The following KDM2B variants were observed in gnomAD, a reference collection of about 807,000 sequenced individuals.
KDM2B encodes lysine-specific demethylase 2B.
In KDM2B, 26 loss-of-function variants were observed where a neutral mutation model predicts 150.0. The ratio of observed to expected loss-of-function variants is 0.17; its 90% CI spans 0.13 to 0.24. The LOEUF (loss-of-function observed/expected upper bound fraction) is 0.24, where lower values mean the gene tolerates loss of function less well. Among genes scored for constraint, KDM2B ranks in the 10% least tolerant of loss-of-function variants. The pLI is 1.00. For missense variants in KDM2B, 1,265 were observed against 1,816.9 expected, an observed-to-expected ratio of 0.70 and a Z score of 5.52; for synonymous variants, 734 against 729.5, an observed-to-expected ratio of 1.01 and a Z score of -0.10.
Position 121,580,873 on chromosome 12 carries a change from G to T in KDM2B, c.39C>A (p.His13Gln), listed in dbSNP as rs200344256. Residue 13 changes from histidine to glutamine, a missense_variant, in exon 1 of 23, where the codon CAC (histidine) becomes CAA (glutamine). Transcript: ENST00000377071. The stretch of plus-strand genomic sequence containing the variant: ...CTGCTGCATGTCTTTTTCGTGGGGG[G>T]TGATCCTCTGCAGATCCCCCCATTT... Reference protein sequence around the residue: ...GPQMGGSAEDHPPRKRHAAEK... With the variant: ...GPQMGGSAEDQPPRKRHAAEK... 6.8e-6 allele frequency: 11 copies of T among 1,614,034 alleles called. No homozygotes were observed. Among genetic ancestry groups the T allele is most frequent in the Middle Eastern group, 1.6e-4 (1 of 6,062 alleles).
At position 121,476,893 on chromosome 12, in the gene KDM2B, T is replaced by C. The variant is rs1392738679; in HGVS notation, c.1734+17686A>G. Among the ~76,000 whole-genome samples, 10 of 152,330 alleles carry C rather than the reference T, an allele frequency of 6.6e-5. No individual in the cohort carries two copies. In the East Asian group the frequency reaches 7.7e-4, roughly 12 times the overall value. ...TTGAAATAGCCATTAACCAACTCCT[T>C]ACTTTGAAAATCAGCATTTAAAGGG... On this transcript the variant is annotated intron_variant, in intron 12 of 22. Coordinates refer to ENST00000377071, the MANE Select transcript of KDM2B (RefSeq NM_032590.5).
Position 121,578,818 on chromosome 12 carries a change from G to A in KDM2B, c.255C>T (p.His85=). 6.3e-7 allele frequency: 1 copy of A among 1,589,790 alleles called. No homozygotes were observed. Among genetic ancestry groups the A allele is most frequent in the Non-Finnish European group, 8.6e-7 (1 of 1,167,134 alleles). ...RSQLYQGDFV[H]AMEGKDFNYE... ...GCGCCTCACCTTTGCCCTCCATGGC[G>A]TGCACGAAGTCCCCCTGGTACAGCT... The change falls in exon 2 of 23, where the codon CAC becomes CAT. Residue 85 remains histidine, a synonymous_variant. Transcript: ENST00000377071.
At chr12:121,461,318 C>T (rs782056472) in intron 12 of KDM2B, among the ~76,000 whole-genome samples, 1 of 152,184 alleles carries the variant, frequency 6.6e-6, no homozygotes, top group African/African-American at 2.4e-5. Flanking sequence ...GAGCCTCATC[C>T]TGCAGGGCCT....
the KDM2B span, among the ~76,000 whole-genome samples, chr12:121,419,441 A>T: frequency 6.6e-6 from 1 of 152,222 alleles, no homozygotes; most frequent in African/African-American, 2.4e-5. Flanking sequence ...CAGGAGTTTT[A>T]TTATTCTCCC....
At chr12:121,490,196 C>T (rs2140265345) in intron 12 of KDM2B, among the ~76,000 whole-genome samples, 1 of 152,288 alleles carries the variant, frequency 6.6e-6, no homozygotes, top group African/African-American at 2.4e-5. Context: ...GGTCACAAGG[C>T]ATCGAGGGTG....
At chr12:121,456,507 G>T (rs957860588) in intron 12 of KDM2B, among the ~76,000 whole-genome samples, 8 of 152,154 alleles carry the variant, frequency 5.3e-5, no homozygotes, top group Non-Finnish European at 2.9e-5. Context: ...AGTGGCCAGC[G>T]TGTGGGCCAC....
chr12:121,440,095 G>A lies in KDM2B; in HGVS notation c.3611-20C>T. 1 of 1,569,666 alleles carries A rather than the reference G, an allele frequency of 6.4e-7. No homozygotes were observed. Among genetic ancestry groups the A allele is most frequent in the Non-Finnish European group, 8.6e-7 (1 of 1,156,132 alleles). On this transcript the variant is annotated intron_variant, in intron 21 of 22. Coordinates refer to ENST00000377071, the MANE Select transcript of KDM2B (RefSeq NM_032590.5). ...TCTGACCTGGTGGGGCAGGAAGGAG[G>A]GGGCAACCCGTCAATCTGACCGAGG...
At chr12:121,456,785 A>C (rs1347786344) in intron 12 of KDM2B, among the ~76,000 whole-genome samples, 1 of 152,184 alleles carries the variant, frequency 6.6e-6, no homozygotes, top group Non-Finnish European at 1.5e-5. Context: ...TATGGAAAAC[A>C]ACCTGCCTGG....
chr12:121,447,427 G>C (rs1385393735), intron 13 of KDM2B, among the ~76,000 whole-genome samples: 1 of 151,590 alleles, frequency 6.6e-6, no homozygotes, highest in Non-Finnish European at 1.5e-5. Flanking sequence ...ATTTGTAGTA[G>C]AGATGCGGGG....
intron 12 of KDM2B, among the ~76,000 whole-genome samples, chr12:121,466,828 C>T (rs1343949692): frequency 2.7e-5 from 4 of 145,886 alleles, no homozygotes; most frequent in African/African-American, 9.8e-5. Flanking sequence ...GCGCGCCCCG[C>T]GGCCGCCGGC....
At chr12:121,525,634 AC>A (rs1327544868) in intron 8 of KDM2B, among the ~76,000 whole-genome samples, 4 of 151,940 alleles carry the variant, frequency 2.6e-5, no homozygotes, top group Non-Finnish European at 5.9e-5. Context: ...CCCTAGCTGG[AC>A]TGGCTGAGCA....
Position 121,572,332 on chromosome 12 carries a change from T to C in KDM2B, c.397+2215A>G, listed in dbSNP as rs57304197. On this transcript the variant is annotated intron_variant, in intron 4 of 22. Coordinates refer to ENST00000377071, the MANE Select transcript of KDM2B (RefSeq NM_032590.5). Reference sequence around the variant, plus strand: ...CAACACACTAGAAGTCAAACCCAAATTCCCTACAGGAACCTGGGAGGCCCT... The same window carrying C: ...CAACACACTAGAAGTCAAACCCAAACTCCCTACAGGAACCTGGGAGGCCCT... Among the ~76,000 whole-genome samples the C allele has an allele frequency of 0.012, 1,781 of 152,282 alleles. 71 individuals are homozygous for C. The South Asian group carries it at 0.13, about 11-fold the overall frequency.
At chr12:121,526,899 G>A (rs1210326758) in intron 8 of KDM2B, among the ~76,000 whole-genome samples, 1 of 151,956 alleles carries the variant, frequency 6.6e-6, no homozygotes, top group African/African-American at 2.4e-5. Flanking sequence ...GGGCGTGGTG[G>A]TGCACACTTG....
chr12:121,447,373 C>A (rs1876453575), intron 13 of KDM2B, among the ~76,000 whole-genome samples: 1 of 151,902 alleles, frequency 6.6e-6, no homozygotes, highest in Admixed American at 6.6e-5. Flanking sequence ...CTCAGCCTCC[C>A]GAGTAGCACA....
chr12:121,423,894 T>C, the KDM2B span: 2 of 263,164 alleles, frequency 7.6e-6, no homozygotes, highest in Non-Finnish European at 1.5e-5. The surrounding 1 kb of genome is among the most constrained non-coding windows in gnomAD (Gnocchi z 4.3). Context: ...TATCCTGTTC[T>C]CTTATTTCCC....
intron 6 of KDM2B, among the ~76,000 whole-genome samples, chr12:121,548,667 C>T (rs1889250852): frequency 1.3e-5 from 2 of 152,250 alleles, no homozygotes; most frequent in Non-Finnish European, 2.9e-5. Context: ...GAGCAGACAT[C>T]AGAGCCCCTG....
At chr12:121,417,916 G>C in the KDM2B span, 3 of 1,611,846 alleles carry the variant, frequency 1.9e-6, no homozygotes, top group Non-Finnish European at 2.5e-6. The surrounding 1 kb of genome is among the most constrained non-coding windows in gnomAD (Gnocchi z 5.0). Context: ...GCACAGGTAC[G>C]AGGGGGTAAC....
chr12:121,506,809 G>A (rs1885112947), intron 11 of KDM2B, among the ~76,000 whole-genome samples: 1 of 152,168 alleles, frequency 6.6e-6, no homozygotes, highest in African/African-American at 2.4e-5. Context: ...GGTGGCGCAT[G>A]CCTGTAATCC....
intron 6 of KDM2B, among the ~76,000 whole-genome samples, chr12:121,538,747 G>T (rs547294651): frequency 1.3e-5 from 2 of 152,234 alleles, no homozygotes; most frequent in East Asian, 3.9e-4. Context: ...CAAGCCTCGA[G>T]TTCGGGTCCA....
Sources: allele counts gnomAD v4.1 joint callset (sites outside exome capture counted in the v4.1 genomes callset), GRCh38; gene constraint gnomAD v4.1.1; non-coding constraint Gnocchi (gnomAD v3.1); transcripts MANE v1.5; gene names NCBI Gene and HGNC (gene_info 2026-07-23, HGNC 2026-07-21).